ERBB4: variants seen among roughly 807,000 people sequenced by gnomAD.
The protein encoded by ERBB4 is erb-b2 receptor tyrosine kinase 4.
In ERBB4, 42 loss-of-function variants were observed where a neutral mutation model predicts 158.0. The ratio of observed to expected loss-of-function variants is 0.27; its 90% CI spans 0.21 to 0.34. The LOEUF is 0.34. Among genes scored for constraint, ERBB4 ranks in the 10% least tolerant of loss-of-function variants. The pLI, the probability that ERBB4 is intolerant of heterozygous loss-of-function variation, is 1.00. For missense variants in ERBB4, 1,333 were observed against 1,624.1 expected (o/e 0.82, Z 3.08); for synonymous variants, 583 against 558.7 (o/e 1.04, Z -0.61).
At chr2:211,558,520 G>A (rs1054185530) in intron 20 of ERBB4, among the ~76,000 whole-genome samples, 1 of 152,170 alleles carries the variant, frequency 6.6e-6, no homozygotes, top group Non-Finnish European at 1.5e-5. Context: ...TCTGGGGATA[G>A]AATGTATTAG....
chr2:212,378,850 T>G (rs1449113844), intron 1 of ERBB4, among the ~76,000 whole-genome samples: 1 of 151,812 alleles, frequency 6.6e-6, no homozygotes, highest in South Asian at 2.1e-4. Context: ...GCATTGCCAT[T>G]TATGCTAAAT....
chr2:212,520,605 A>T (rs1036110729), intron 1 of ERBB4, among the ~76,000 whole-genome samples: 1 of 151,932 alleles, frequency 6.6e-6, no homozygotes, highest in African/African-American at 2.4e-5. Flanking sequence ...CCTATCTCTC[A>T]GTCTAAAAAA....
At chr2:211,592,777 C>T (rs112999159) in intron 19 of ERBB4, among the ~76,000 whole-genome samples, 1,982 of 152,022 alleles carry the variant, frequency 0.013, 30 homozygotes, top group African/African-American at 0.034. Flanking sequence ...TTTGGGAGGC[C>T]GAGGTGGGTG....
chr2:211,952,438 G>C (rs887670540), intron 2 of ERBB4, among the ~76,000 whole-genome samples: 15 of 152,052 alleles, frequency 9.9e-5, no homozygotes, highest in African/African-American at 2.9e-4. Context: ...TATAATGTCT[G>C]ATAAGGCCAC....
At chr2:212,045,894 C>T (rs1371318125) in intron 2 of ERBB4, among the ~76,000 whole-genome samples, 4 of 152,186 alleles carry the variant, frequency 2.6e-5, no homozygotes, top group Non-Finnish European at 5.9e-5. Context: ...CAGAGATGAA[C>T]ATTTGTAGCT....
chr2:211,808,148 A>G (rs1158913984), intron 3 of ERBB4, among the ~76,000 whole-genome samples: 1 of 152,122 alleles, frequency 6.6e-6, no homozygotes, highest in Non-Finnish European at 1.5e-5. Context: ...CCATTTGTCA[A>G]TTTTGGCCTT....
intron 1 of ERBB4, among the ~76,000 whole-genome samples, chr2:212,168,342 G>A (rs2081412172): frequency 6.6e-6 from 1 of 152,110 alleles, no homozygotes; most frequent in Non-Finnish European, 1.5e-5. Context: ...TCTATGAAAT[G>A]AATGCCAATT....
At chr2:212,085,345 T>A (rs748000155) in intron 2 of ERBB4, among the ~76,000 whole-genome samples, 1 of 152,004 alleles carries the variant, frequency 6.6e-6, no homozygotes, top group Non-Finnish European at 1.5e-5. Context: ...TGTATTATTT[T>A]GTTTCATGAA....
intron 3 of ERBB4, among the ~76,000 whole-genome samples, chr2:211,897,677 T>C (rs141322311): frequency 1.3e-5 from 2 of 152,234 alleles, no homozygotes; most frequent in East Asian, 3.9e-4. Flanking sequence ...ATACCTTTTA[T>C]CTACTTTTTT....
chr2:211,710,864 T>C (rs905482875), intron 9 of ERBB4, among the ~76,000 whole-genome samples: 3 of 152,050 alleles, frequency 2.0e-5, no homozygotes, highest in Non-Finnish European at 4.4e-5. Flanking sequence ...TGTGGGACTG[T>C]GAGTCCACCG....
intron 4 of ERBB4, among the ~76,000 whole-genome samples, chr2:211,773,640 ATATATAT>A (rs2075791817): frequency 2.3e-5 from 2 of 87,188 alleles, no homozygotes; most frequent in Admixed American, 2.5e-4. Flanking sequence ...ATATATATAT[ATATATAT>A]AATATATATA....
At chr2:211,995,262 CCCTGAGT>C (rs2082173378) in intron 2 of ERBB4, among the ~76,000 whole-genome samples, 1 of 152,020 alleles carries the variant, frequency 6.6e-6, no homozygotes, top group African/African-American at 2.4e-5. Context: ...CTATGAAAAA[CCCTGAGT>C]TAAAATAACT....
chr2:212,323,840 A>T (rs2106272617), intron 1 of ERBB4, among the ~76,000 whole-genome samples: 1 of 85,672 alleles, frequency 1.2e-5, no homozygotes, highest in Non-Finnish European at 3.2e-5. Flanking sequence ...ACATTAATAA[A>T]ATCTCAGAAA....
chr2:212,248,735 G>C (rs188189475), intron 1 of ERBB4, among the ~76,000 whole-genome samples: 4 of 152,080 alleles, frequency 2.6e-5, no homozygotes, highest in African/African-American at 9.6e-5. Flanking sequence ...AGTACTAAAC[G>C]GTTGCTCAAA....
intron 2 of ERBB4, among the ~76,000 whole-genome samples, chr2:212,049,443 A>G (rs568307825): frequency 2.0e-5 from 3 of 152,216 alleles, no homozygotes; most frequent in African/African-American, 4.8e-5. Context: ...CCAATTATAT[A>G]TCGGTATGCT....
At chr2:212,164,090 T>C (rs1440838237) in intron 1 of ERBB4, among the ~76,000 whole-genome samples, 1 of 151,938 alleles carries the variant, frequency 6.6e-6, no homozygotes, top group African/African-American at 2.4e-5. Context: ...GTGTGAGCCA[T>C]CTTGCCTGGC....
chr2:211,997,692 C>T (rs2125271253), intron 2 of ERBB4, among the ~76,000 whole-genome samples: 1 of 152,160 alleles, frequency 6.6e-6, no homozygotes, highest in Non-Finnish European at 1.5e-5. Flanking sequence ...TTCTTCCCCT[C>T]TGTCCTTTAC....
At position 212,363,858 on chromosome 2, in the gene ERBB4, G is replaced by A. The variant is rs117050409; in HGVS notation, c.82+174591C>T. Among the ~76,000 whole-genome samples the A allele has an allele frequency of 4.0e-5, 6 of 151,572 alleles. No homozygotes were observed. The East Asian group carries it at 1.2e-3, about 30-fold the overall frequency. On this transcript the variant is annotated intron_variant, in intron 1 of 27. Coordinates refer to ENST00000342788, the MANE Select transcript of ERBB4 (RefSeq NM_005235.3). ...TTTTAAGAACTACCAATTTATTATTGTCCATGAATTCCACTATAGATTTGA... is the reference window on the plus strand; with the variant it reads ...TTTTAAGAACTACCAATTTATTATTATCCATGAATTCCACTATAGATTTGA...
At chr2:212,535,413 T>C (rs1283374) in intron 1 of ERBB4, among the ~76,000 whole-genome samples, 151,143 of 152,260 alleles carry the variant, frequency 0.99, 75,071 homozygotes, top group Middle Eastern at 1. Flanking sequence ...AATAACCCCA[T>C]GATTTTGGAG....
Sources: allele counts gnomAD v4.1 joint callset (sites outside exome capture counted in the v4.1 genomes callset), GRCh38; gene constraint gnomAD v4.1.1; transcripts MANE v1.5; gene names NCBI Gene and HGNC (gene_info 2026-07-23, HGNC 2026-07-21).